Variants in RAD51B observed in about 807,000 individuals in gnomAD.
The protein encoded by RAD51B is DNA repair protein RAD51 homolog 2.
In RAD51B, 38 loss-of-function variants were observed where a neutral mutation model predicts 42.2. That is an observed-to-expected ratio of 0.90 (90% CI 0.70 to 1.18). The LOEUF (loss-of-function observed/expected upper bound fraction) is 1.18. Ranked by LOEUF, RAD51B falls within the 50% of genes most tolerant of loss-of-function variation. The probability of loss-of-function intolerance (pLI) is 0.00; values close to 1 mark genes in which losing one functional copy is unlikely to be tolerated. For synonymous variants in RAD51B, 154 were observed against 145.2 expected (o/e 1.06, Z -0.43); for missense variants, 373 against 400.7 (o/e 0.93, Z 0.59).
chr14:68,308,695 C>A (rs1451584307), intron 8 of RAD51B, among the ~76,000 whole-genome samples: 1 of 97,924 alleles, frequency 1.0e-5, no homozygotes, highest in Non-Finnish European at 1.9e-5. Context: ...TCATTTATAT[C>A]TGTGTCATTA....
intron 4 of RAD51B, among the ~76,000 whole-genome samples, chr14:67,843,817 T>C (rs1416492845): frequency 6.6e-6 from 1 of 151,882 alleles, no homozygotes; most frequent in African/African-American, 2.4e-5. Flanking sequence ...TTGATCTTTT[T>C]AATTATTTTT....
chr14:68,180,819 G>A (rs1203377245), intron 7 of RAD51B, among the ~76,000 whole-genome samples: 1 of 152,200 alleles, frequency 6.6e-6, no homozygotes, highest in African/African-American at 2.4e-5. Context: ...GGAAATGTGA[G>A]ACCAAGGGCT....
At chr14:68,501,355 C>T (rs1194660518) in intron 10 of RAD51B, among the ~76,000 whole-genome samples, 1 of 152,242 alleles carries the variant, frequency 6.6e-6, no homozygotes, top group African/African-American at 2.4e-5. Context: ...CTGACCGCTC[C>T]TGTTGCCCTT....
chr14:68,086,342 C>T (rs1392320022), intron 7 of RAD51B, among the ~76,000 whole-genome samples: 2 of 152,146 alleles, frequency 1.3e-5, no homozygotes, highest in African/African-American at 4.8e-5. Context: ...GTGCTCCTCT[C>T]AACGTCCAGC....
intron 3 of RAD51B, among the ~76,000 whole-genome samples, chr14:67,828,335 G>T (rs954314429): frequency 2.0e-5 from 3 of 151,348 alleles, no homozygotes; most frequent in Admixed American, 6.6e-5. Flanking sequence ...TTTTAATGGG[G>T]TTGTTTGGTT....
At chr14:67,843,311 G>A (rs1207967672) in intron 4 of RAD51B, 1 of 124,888 alleles carries the variant, frequency 8.0e-6, no homozygotes, top group African/African-American at 3.2e-5. Context: ...CCCCCACAAT[G>A]CTGTCTTTTA....
intron 7 of RAD51B, among the ~76,000 whole-genome samples, chr14:68,226,223 G>A (rs555540408): frequency 1.4e-4 from 22 of 152,082 alleles, no homozygotes; most frequent in Admixed American, 2.6e-4. Context: ...TCTGTGCTTC[G>A]GTTTTCTAAT....
chr14:68,222,726 G>A (rs1248079146), intron 7 of RAD51B, among the ~76,000 whole-genome samples: 3 of 152,026 alleles, frequency 2.0e-5, no homozygotes, highest in African/African-American at 7.2e-5. Context: ...ATACCCATAG[G>A]AGAAGTAATC....
chr14:68,573,438 C>G (rs943683236), intron 10 of RAD51B, among the ~76,000 whole-genome samples: 30 of 152,192 alleles, frequency 2.0e-4, no homozygotes, highest in African/African-American at 7.0e-4. Context: ...CATACTTGGC[C>G]CATTCCTTTC....
intron 4 of RAD51B, among the ~76,000 whole-genome samples, chr14:67,838,804 TAA>T (rs56299969): frequency 6.9e-6 from 1 of 145,232 alleles, no homozygotes. Flanking sequence ...GATAAAAAAG[TAA>T]AAAAAAAAAA....
chr14:67,909,122 CA>C (rs920235342), intron 7 of RAD51B, among the ~76,000 whole-genome samples: 2 of 152,060 alleles, frequency 1.3e-5, no homozygotes, highest in Admixed American at 6.5e-5. Flanking sequence ...ACCCCCTAAA[CA>C]AAAGCTCTTT....
intron 5 of RAD51B, among the ~76,000 whole-genome samples, chr14:67,868,819 G>A (rs1437878377): frequency 7.9e-5 from 12 of 152,092 alleles, no homozygotes; most frequent in Admixed American, 2.6e-4. Context: ...TCCCTCAGCA[G>A]GGGCAGACTG....
chr14:67,995,903 C>T (rs1166319480), intron 7 of RAD51B, among the ~76,000 whole-genome samples: 2 of 152,046 alleles, frequency 1.3e-5, no homozygotes. Flanking sequence ...AGGCATGAGC[C>T]ACCGCGCCCG....
intron 8 of RAD51B, among the ~76,000 whole-genome samples, chr14:68,293,917 T>C (rs527674634): frequency 1.3e-5 from 2 of 152,364 alleles, no homozygotes; most frequent in African/African-American, 2.4e-5. Context: ...AAATAAATGC[T>C]GAATGAATAT....
chr14:68,409,166 T>C (rs2084356276), intron 8 of RAD51B, among the ~76,000 whole-genome samples: 1 of 152,232 alleles, frequency 6.6e-6, no homozygotes, highest in Non-Finnish European at 1.5e-5. Context: ...GGAGGTATGA[T>C]AGCAAATTAT....
At chr14:68,292,745 A>C (rs12435229) in intron 8 of RAD51B, among the ~76,000 whole-genome samples, 4,347 of 152,284 alleles carry the variant, frequency 0.029, 156 homozygotes, top group African/African-American at 0.085. Context: ...AGGCTCCTGG[A>C]TGGCTGCCCA....
chr14:68,078,931 A>C (rs10140420), intron 7 of RAD51B, among the ~76,000 whole-genome samples: 39,169 of 151,940 alleles, frequency 0.26, 6,503 homozygotes, highest in African/African-American at 0.47. Flanking sequence ...TTGAGGTTTC[A>C]GTGAGCCATG....
chr14:67,826,787 A>G lies in RAD51B; in HGVS notation c.198+1210A>G, dbSNP rs35615866. Among the ~76,000 whole-genome samples, 7 of 151,418 alleles carry G rather than the reference A, an allele frequency of 4.6e-5. No homozygotes were observed. In the East Asian group the frequency reaches 1.4e-3, roughly 29 times the overall value. ...AGCCTCCGCCTCCTGGGCTCAAGCCATCCTCCCACCGCAGCCTCCCGAGTG... is the reference window on the plus strand; with the variant it reads ...AGCCTCCGCCTCCTGGGCTCAAGCCGTCCTCCCACCGCAGCCTCCCGAGTG... On this transcript the variant is annotated intron_variant, in intron 3 of 10. Coordinates refer to ENST00000471583, the MANE Select transcript of RAD51B (RefSeq NM_133510.4).
chr14:68,337,999 C>T (rs1302260937), intron 8 of RAD51B, among the ~76,000 whole-genome samples: 1 of 151,902 alleles, frequency 6.6e-6, no homozygotes, highest in East Asian at 1.9e-4. Flanking sequence ...ACTATATTGC[C>T]CAGGCTGGTC....
Sources: allele counts gnomAD v4.1 joint callset (sites outside exome capture counted in the v4.1 genomes callset), GRCh38; gene constraint gnomAD v4.1.1; transcripts MANE v1.5; gene names NCBI Gene and HGNC (gene_info 2026-07-23, HGNC 2026-07-21).